Variants in MEP1B observed in about 807,000 individuals in gnomAD.
MEP1B encodes the protein N-benzoyl-L-tyrosyl-P-amino-benzoic acid hydrolase subunit beta.
MEP1B carries 80 observed loss-of-function variants against 84.6 expected under a neutral mutation model. The observed-to-expected ratio is 0.95, with a 90% confidence interval of 0.79 to 1.14. The LOEUF (loss-of-function observed/expected upper bound fraction) is 1.14. MEP1B is among the 50% of genes most tolerant of loss of function. The probability of loss-of-function intolerance (pLI) is 0.00; values close to 1 mark genes in which losing one functional copy is unlikely to be tolerated. For synonymous variants in MEP1B, 273 were observed against 288.1 expected (o/e 0.95, Z 0.53); for missense variants, 766 against 855.1 (o/e 0.90, Z 1.30).
At chr18:32,195,944 C>A (rs2040849115) in intron 5 of MEP1B, 7 of 269,592 alleles carry the variant, frequency 2.6e-5, no homozygotes, top group Middle Eastern at 1.2e-3. Flanking sequence ...CTTCCCATGG[C>A]AGGTATGCTC....
chr18:32,192,974 C>A (rs937382957), intron 4 of MEP1B, among the ~76,000 whole-genome samples, 157 bp downstream of exon 4: 1 of 152,122 alleles, frequency 6.6e-6, no homozygotes, highest in Non-Finnish European at 1.5e-5. Context: ...ATATATTATA[C>A]TCAAAGAAAT....
At chr18:32,214,021 C>T (rs9954412) in intron 11 of MEP1B, among the ~76,000 whole-genome samples, 4,781 of 152,184 alleles carry the variant, frequency 0.031, 212 homozygotes, top group African/African-American at 0.1. Context: ...GAAAGGCCTG[C>T]GGTGGAGAGG....
In MEP1B at chr18:32,215,620, C is replaced by A. The variant is rs186249919; in HGVS notation, c.1759+359C>A. 6.9e-4 allele frequency among the ~76,000 whole-genome samples: 105 copies of A among 152,104 alleles called. 2 individuals carry two copies. In the East Asian group the frequency reaches 0.018, roughly 26 times the overall value. ...CGAGTGGATCACGAGGTCAGGAGAT[C>A]GAGACCATCCTGGCTAACACGGTGA... On this transcript the variant is annotated intron_variant, in intron 12 of 14. Transcript: ENST00000269202.
Position 32,192,671 on chromosome 18 carries a change from C to G in MEP1B, c.108C>G (p.Asp36Glu), listed in dbSNP as rs746873415. 3.1e-6 allele frequency: 5 copies of G among 1,613,202 alleles called. No homozygotes were observed. Residue 36 changes from aspartate (D) to glutamate (E), a missense_variant, in exon 3 of 15, where the codon GAC becomes GAG. Transcript: ENST00000269202. ...ATGTAGATGGCGGAATGGACCAGGA[C>G]ATATTTGATATCAATGAAGGTTTGT... is the stretch of plus-strand genomic sequence containing the variant. ...NFDVDGGMDQ[D>E]IFDINEGLGL... is the part of the protein sequence containing the mutation.
At position 32,220,229 on chromosome 18, in the gene MEP1B, A is replaced by G. The variant is rs763687655; in HGVS notation, c.2092-2A>G. On this transcript the variant is annotated splice_acceptor_variant, in intron 14 of 14. Transcript: ENST00000269202. LOFTEE classifies it high-confidence loss of function. ...ATCATCAATTGTTCTTTCCCCTTTT[A>G]GCAGCATGCTTTTTGAAGATTAACT... 6.2e-7 allele frequency: 1 copy of G among 1,607,340 alleles called. No homozygotes were observed.
intron 5 of MEP1B, among the ~76,000 whole-genome samples, chr18:32,201,241 G>C (rs759647671): frequency 6.6e-6 from 1 of 151,256 alleles, no homozygotes; most frequent in East Asian, 1.9e-4. Context: ...TTGAAATAAT[G>C]ACCCAAATAT....
intron 9 of MEP1B, 106 bp from the exon 10 acceptor site, chr18:32,210,395 T>C: frequency 1.1e-6 from 1 of 903,650 alleles, no homozygotes; most frequent in East Asian, 2.6e-5. Flanking sequence ...GATTTATATA[T>C]GGATGTTACT....
chr18:32,204,485 T>C (rs1197922410), intron 7 of MEP1B, 125 bp downstream of exon 7: 18 of 831,410 alleles, frequency 2.2e-5, no homozygotes, highest in African/African-American at 3.4e-5. Context: ...TCTTAATTCA[T>C]TCAGCTTGAA....
Position 32,196,947 on chromosome 18 carries a change from G to C in MEP1B, c.250+1462G>C, listed in dbSNP as rs1274042201. 3 of 302,830 alleles carry C rather than the reference G, an allele frequency of 9.9e-6. No homozygotes were observed. The Admixed American group carries it at 1.4e-4, about 14-fold the overall frequency. The allele number at this position is 302,830 out of a possible 1,614,324, so 18.8% of individuals were successfully genotyped here. A position where few individuals can be genotyped will look rare whatever the true frequency, so the allele number is the denominator to read the frequency against. On this transcript the variant is annotated intron_variant, in intron 5 of 14. Transcript: ENST00000269202. The surrounding 1 kb of genome is among the most constrained non-coding windows in gnomAD (Gnocchi z 4.4). Reference sequence around the variant, plus strand: ...CTACACTTGGTTAAACAGGTGCAGGGCCTGATTGATGGGCTCACAGGGAGC... The same window carrying C: ...CTACACTTGGTTAAACAGGTGCAGGCCCTGATTGATGGGCTCACAGGGAGC...
At position 32,202,875 on chromosome 18, in the gene MEP1B, T is replaced by C; in HGVS notation, c.251-18T>C. On this transcript the variant is annotated intron_variant, in intron 5 of 14. Coordinates refer to ENST00000269202, the MANE Select transcript of MEP1B (RefSeq NM_005925.3). ...GATTGTTTTAATAAGCTTATTTTTG[T>C]TTGTTTTCTTCCTTCAGAAATGAAT... 1 of 1,514,342 alleles carries C rather than the reference T, an allele frequency of 6.6e-7. No homozygotes were observed. The allele number at this position is 1,514,342 out of a possible 1,614,324, so 93.8% of individuals were successfully genotyped here. A position where few individuals can be genotyped will look rare whatever the true frequency, so the allele number is the denominator to read the frequency against.
rs752276139 is a variant in MEP1B, at chr18:32,217,955, C to G, written c.2081C>G (p.Thr694Ser). 3 of 1,613,816 alleles carry G rather than the reference C, an allele frequency of 1.9e-6. No individual in the cohort carries two copies. The change falls in exon 14 of 15, where the codon ACT becomes AGT. Residue 694 changes from threonine to serine, a missense_variant. Coordinates refer to ENST00000269202, the MANE Select transcript of MEP1B (RefSeq NM_005925.3). The stretch of plus-strand genomic sequence containing the variant: ...ATGAGCTCAAATCGACCAAATTTGA[C>G]TCCGCAAAATGTAAGTTGAGGCTGA... ...ERMSSNRPNL[T>S]PQNQHAF is the part of the protein sequence containing the mutation.
Position 32,204,208 on chromosome 18 carries a change from G to A in MEP1B, c.395G>A (p.Arg132Gln), listed in dbSNP as rs117084287. 1.0e-3 allele frequency: 1,679 copies of A among 1,606,574 alleles called. 9 individuals are homozygous for A. The East Asian group carries it at 0.016, about 15-fold the overall frequency. ...SGCWSSVGNR[R>Q]VGKQELSIGA... ...TGCTGGTCTTCAGTAGGAAATAGGC[G>A]GGTTGGGAAGCAAGAACTTTCCATC... is the stretch of plus-strand genomic sequence containing the variant. The change falls in exon 7 of 15, where the codon CGG becomes CAG. Residue 132 changes from arginine to glutamine, a missense_variant. Transcript: ENST00000269202.
rs761278475 is a variant in MEP1B, at chr18:32,217,047, G to GA, written c.1817dup (p.Asp606GlufsTer9). The GA allele has an allele frequency of 6.2e-7, 1 of 1,613,920 alleles. No individual in the cohort carries two copies. Among genetic ancestry groups the GA allele is most frequent in the South Asian group, 1.1e-5 (1 of 91,074 alleles). ...GCTAACACCAGCCCCTAGTGTTCAA[G>GA]ACCTCTGCTCAAAAACCACCTGTAA... On this transcript the variant is annotated frameshift_variant, in exon 13 of 15. Transcript: ENST00000269202. LOFTEE classifies it high-confidence loss of function.
intron 5 of MEP1B, among the ~76,000 whole-genome samples, chr18:32,197,754 A>G (rs1451614325): frequency 6.6e-6 from 1 of 152,140 alleles, no homozygotes; most frequent in Non-Finnish European, 1.5e-5. Context: ...CTTTTATTTT[A>G]GATTCAGTGG....
intron 11 of MEP1B, among the ~76,000 whole-genome samples, chr18:32,213,951 G>A (rs1021674701): frequency 6.6e-6 from 1 of 152,204 alleles, no homozygotes; most frequent in Non-Finnish European, 1.5e-5. Context: ...AGCCAGGGCT[G>A]TAGTAATCAT....
intron 5 of MEP1B, 84 bp downstream of exon 5, chr18:32,195,569 T>C (rs539309066): frequency 6.6e-6 from 6 of 902,626 alleles, no homozygotes; most frequent in African/African-American, 5.0e-5. Context: ...TGGGCTTATA[T>C]AGTCTTTAAG....
At chr18:32,208,411 C>A in intron 9 of MEP1B, 140 bp downstream of exon 9, 2 of 840,312 alleles carry the variant, frequency 2.4e-6, no homozygotes, top group Non-Finnish European at 3.4e-6. Flanking sequence ...AGAAGTAGGC[C>A]TTGCACCTGA....
intron 5 of MEP1B, among the ~76,000 whole-genome samples, chr18:32,199,663 CGTT>C (rs2040890496): frequency 7.7e-6 from 1 of 129,278 alleles, no homozygotes; most frequent in African/African-American, 3.4e-5. Context: ...TTTTTCCTTT[CGTT>C]CGTTCCTTCC....
intron 8 of MEP1B, 70 bp downstream of exon 8, chr18:32,207,540 C>T (rs1598893511): frequency 9.1e-7 from 1 of 1,094,436 alleles, no homozygotes; most frequent in South Asian, 1.4e-5. Flanking sequence ...TGGTCTGTGC[C>T]ATTTTGTCAA....
Sources: gnomAD v4.1 joint callset for allele counts (sites outside exome capture counted in the v4.1 genomes callset) on GRCh38, gnomAD v4.1.1 for gene constraint, Gnocchi (gnomAD v3.1) non-coding constraint, MANE v1.5 for transcripts, NCBI Gene and HGNC (gene_info 2026-07-23, HGNC 2026-07-21) for gene names.